BCL2: variants seen among roughly 807,000 people sequenced by gnomAD.
BCL2 encodes BCL2 apoptosis regulator.
A neutral mutation model predicts 14.2 loss-of-function variants in BCL2; 1 was observed. The ratio of observed to expected loss-of-function variants is 0.07; its 90% CI spans 0.02 to 0.33. The LOEUF (loss-of-function observed/expected upper bound fraction) is 0.33. Among genes scored for constraint, BCL2 ranks in the 10% least tolerant of loss-of-function variants. BCL2 has a pLI of 0.99. For synonymous variants in BCL2, 151 were observed against 137.2 expected, an observed-to-expected ratio of 1.10 and a Z score of -0.70; for missense variants, 247 against 305.9, an observed-to-expected ratio of 0.81 and a Z score of 1.44.
intron 2 of BCL2, among the ~76,000 whole-genome samples, chr18:63,239,918 G>T (rs1000136544): frequency 6.6e-6 from 1 of 152,166 alleles, no homozygotes; most frequent in Admixed American, 6.5e-5. Flanking sequence ...CATGCATTGT[G>T]GAGAAGAGAG....
At chr18:63,158,564 C>G (rs1030693817) in intron 2 of BCL2, among the ~76,000 whole-genome samples, 19 of 152,124 alleles carry the variant, frequency 1.2e-4, no homozygotes, top group African/African-American at 4.3e-4. Flanking sequence ...CTGTGCTGGC[C>G]CTGTTTAGGC....
chr18:63,282,582 T>G (rs1912348721), intron 2 of BCL2, among the ~76,000 whole-genome samples: 1 of 152,194 alleles, frequency 6.6e-6, no homozygotes, highest in South Asian at 2.1e-4. Flanking sequence ...CAAGGTCAGC[T>G]TTAACAAGCA....
intron 2 of BCL2, among the ~76,000 whole-genome samples, chr18:63,236,135 G>A (rs997562773): frequency 1.3e-5 from 2 of 152,134 alleles, no homozygotes; most frequent in African/African-American, 2.4e-5. Flanking sequence ...CCCTGCACAT[G>A]GCTCTCTTGC....
At chr18:63,268,949 T>G (rs1022285352) in intron 2 of BCL2, among the ~76,000 whole-genome samples, 1 of 151,618 alleles carries the variant, frequency 6.6e-6, no homozygotes, top group African/African-American at 2.4e-5. Context: ...CTTTTTTTCT[T>G]TTTCCATTTT....
chr18:63,317,619 T>C, intron 2 of BCL2: 1 of 1,004,084 alleles, frequency 1.0e-6, no homozygotes, highest in African/African-American at 1.7e-5. Context: ...TGTTCTCCAA[T>C]TTTAGTGTAC....
At chr18:63,173,892 T>C (rs916447656) in intron 2 of BCL2, among the ~76,000 whole-genome samples, 2 of 152,222 alleles carry the variant, frequency 1.3e-5, no homozygotes, top group Non-Finnish European at 2.9e-5. Context: ...CAAATTTGAC[T>C]TGCAGTTTCC....
chr18:63,207,384 C>G (rs1289507264), intron 2 of BCL2, among the ~76,000 whole-genome samples: 1 of 152,212 alleles, frequency 6.6e-6, no homozygotes, highest in Admixed American at 6.5e-5. Context: ...GAAATGTAGT[C>G]GTCAGAAGAG....
intron 2 of BCL2, among the ~76,000 whole-genome samples, chr18:63,150,242 C>T (rs1169707048): frequency 6.6e-6 from 1 of 151,466 alleles, no homozygotes; most frequent in Non-Finnish European, 1.5e-5. Flanking sequence ...CAATTTTCCC[C>T]TATTTTGCTT....
rs139222929 is a variant in BCL2, at chr18:63,248,704, C to T, written c.585+69378G>A. Among the ~76,000 whole-genome samples, 68 of 152,260 alleles carry T rather than the reference C, an allele frequency of 4.5e-4. 1 individual carries two copies. The highest frequency in any genetic ancestry group is 1.5e-3 in the East Asian group (8 of 5,178). ...CTCAACTGAATCTGCATCAGTAATTCGGTGGGATATTGTCTCCCCCAAGGC... is the reference window on the plus strand; with the variant it reads ...CTCAACTGAATCTGCATCAGTAATTTGGTGGGATATTGTCTCCCCCAAGGC... On this transcript the variant is annotated intron_variant, in intron 2 of 2. Transcript: ENST00000333681.
chr18:63,273,704 T>C (rs1376544917), intron 2 of BCL2, among the ~76,000 whole-genome samples: 1 of 152,178 alleles, frequency 6.6e-6, no homozygotes, highest in Non-Finnish European at 1.5e-5. Context: ...TCATGGTTTA[T>C]GATCAAAGGC....
intron 2 of BCL2, among the ~76,000 whole-genome samples, chr18:63,183,426 G>A (rs974077350): frequency 1.3e-5 from 2 of 152,164 alleles, no homozygotes; most frequent in Non-Finnish European, 2.9e-5. Flanking sequence ...GGTGAGGTGG[G>A]GCACAGAGCT....
At chr18:63,155,832 T>C (rs571492019) in intron 2 of BCL2, among the ~76,000 whole-genome samples, 1 of 152,026 alleles carries the variant, frequency 6.6e-6, no homozygotes, top group South Asian at 2.1e-4. Context: ...TTCTCCAGAG[T>C]GCTTGTCGCA....
At chr18:63,177,025 TCTCACCTCAGC>T (rs1442406792) in intron 2 of BCL2, among the ~76,000 whole-genome samples, 2 of 151,828 alleles carry the variant, frequency 1.3e-5, no homozygotes, top group Non-Finnish European at 2.9e-5. Context: ...CAGGTGATTC[TCTCACCTCAGC>T]CTCCCGAGTA....
chr18:63,209,210 T>C (rs61284848), intron 2 of BCL2, among the ~76,000 whole-genome samples: 4,426 of 152,230 alleles, frequency 0.029, 216 homozygotes, highest in African/African-American at 0.1. Flanking sequence ...GGTCGGTAAA[T>C]TGGTGCAAGT....
rs1913602957 is a variant in BCL2 at position 63,318,913 on chromosome 18, T to G, written c.-247A>C. 1 of 1,400,982 alleles carries G rather than the reference T, an allele frequency of 7.1e-7. No individual in the cohort carries two copies. The highest frequency in any genetic ancestry group is 2.8e-5 in the East Asian group (1 of 35,404). The allele number at this position is 1,400,982 out of a possible 1,614,324, so 86.8% of individuals were successfully genotyped here. Reference sequence around the variant, plus strand: ...TTTATTTCATGAGGCACGTTATTATTAGTAAGTATTGTTAATATCAGTCTA... The same window carrying G: ...TTTATTTCATGAGGCACGTTATTATGAGTAAGTATTGTTAATATCAGTCTA... On this transcript the variant is annotated 5_prime_UTR_variant, in exon 2 of 3. Coordinates refer to ENST00000333681, the MANE Select transcript of BCL2 (RefSeq NM_000633.3). The surrounding 1 kb of genome is among the most constrained non-coding windows in gnomAD (Gnocchi z 7.4).
At chr18:63,205,599 T>G (rs1469544309) in intron 2 of BCL2, among the ~76,000 whole-genome samples, 1 of 152,040 alleles carries the variant, frequency 6.6e-6, no homozygotes, top group Non-Finnish European at 1.5e-5. Flanking sequence ...GGGGAGAGTA[T>G]ATACAAAAGC....
chr18:63,254,303 T>C (rs1348167350), intron 2 of BCL2, among the ~76,000 whole-genome samples: 1 of 144,106 alleles, frequency 6.9e-6, no homozygotes, highest in Non-Finnish European at 1.5e-5. Context: ...CCCAACACTT[T>C]AGGAGGCTGA....
chr18:63,184,756 A>G (rs945681746), intron 2 of BCL2, among the ~76,000 whole-genome samples: 12 of 152,220 alleles, frequency 7.9e-5, no homozygotes, highest in African/African-American at 2.9e-4. Flanking sequence ...AAGTAATGCC[A>G]TCCTTGAAGG....
intron 2 of BCL2, among the ~76,000 whole-genome samples, chr18:63,138,349 G>C (rs1914266637): frequency 6.6e-6 from 1 of 152,216 alleles, no homozygotes; most frequent in Admixed American, 6.5e-5. Context: ...ACATTGTGCT[G>C]AATGAGTCTA....
Sources: gnomAD v4.1 joint callset for allele counts (sites outside exome capture counted in the v4.1 genomes callset) on GRCh38, gnomAD v4.1.1 for gene constraint, Gnocchi (gnomAD v3.1) non-coding constraint, MANE v1.5 for transcripts, NCBI Gene and HGNC (gene_info 2026-07-23, HGNC 2026-07-21) for gene names.